Variants in PAK3 observed in about 807,000 individuals in gnomAD.
The protein encoded by PAK3 is p21 (RAC1) activated kinase 3.
PAK3 carries 4 observed loss-of-function variants against 41.0 expected under a neutral mutation model. The ratio of observed to expected loss-of-function variants is 0.10; its 90% CI spans 0.05 to 0.22. PAK3 has a LOEUF of 0.22. Among genes scored for constraint, PAK3 ranks in the 10% least tolerant of loss-of-function variants. PAK3 has a pLI of 1.00. For synonymous variants in PAK3, 146 were observed against 139.6 expected, an observed-to-expected ratio of 1.05 and a Z score of -0.32; for missense variants, 205 against 409.9, an observed-to-expected ratio of 0.50 and a Z score of 4.32.
At chrX:111,061,561 T>C (rs191010057) in intron 1 of PAK3, among the ~76,000 whole-genome samples, 215 of 112,043 alleles carry the variant, frequency 1.9e-3, no homozygotes, top group African/African-American at 6.7e-3. Flanking sequence ...TCTTATAAGA[T>C]TACTTTTGTG....
At chrX:111,118,788 G>A (rs2093515297) in intron 4 of PAK3, among the ~76,000 whole-genome samples, 1 of 111,738 alleles carries the variant, frequency 8.9e-6, no homozygotes, top group Non-Finnish European at 1.9e-5. Context: ...AAAATAAATA[G>A]TTATGTCTAT....
chrX:111,027,300 A>ATGCAAATGC (rs2092284834), intron 1 of PAK3, among the ~76,000 whole-genome samples: 1 of 112,161 alleles, frequency 8.9e-6, no homozygotes, highest in African/African-American at 3.2e-5. Flanking sequence ...ATGCAACAAA[A>ATGCAAATGC]ACAAAGATAA....
At chrX:111,008,041 G>T (rs1379906441) in intron 1 of PAK3, among the ~76,000 whole-genome samples, 1 of 112,126 alleles carries the variant, frequency 8.9e-6, no homozygotes, top group Non-Finnish European at 1.9e-5. Flanking sequence ...ATAGAGTTGT[G>T]AGTATTAAAT....
At chrX:111,129,077 G>A (rs2093685275) in intron 5 of PAK3, among the ~76,000 whole-genome samples, 1 of 111,456 alleles carries the variant, frequency 9.0e-6, no homozygotes, top group African/African-American at 3.3e-5. Flanking sequence ...AATCCTTGCT[G>A]TACAACAATT....
chrX:111,052,561 G>T (rs1035886849), intron 1 of PAK3, among the ~76,000 whole-genome samples: 1 of 111,951 alleles, frequency 8.9e-6, no homozygotes, highest in African/African-American at 3.2e-5. Context: ...GGTGGGGGTG[G>T]GTACAATTAC....
In PAK3 at chrX:111,223,834, A is replaced by G. The variant is rs920597035; in HGVS notation, c.*3387A>G. ...TTCTATAATATCACTTTTAAATAACATAAACAGGGATTACAACTATGTAAA... is the reference window on the plus strand; with the variant it reads ...TTCTATAATATCACTTTTAAATAACGTAAACAGGGATTACAACTATGTAAA... On this transcript the variant is annotated 3_prime_UTR_variant, in exon 18 of 18. Transcript: ENST00000372007. 4.5e-5 allele frequency: 5 copies of G among 112,272 alleles called. No homozygotes were observed. Among genetic ancestry groups the G allele is most frequent in the Non-Finnish European group, 7.5e-5 (4 of 53,321 alleles). 9.3% of individuals were successfully genotyped at this position (112,272 alleles called of 1,213,427 possible). A position where few individuals can be genotyped will look rare whatever the true frequency, so the allele number is the denominator to read the frequency against.
In PAK3 at chrX:111,221,790, T is replaced by C. The variant is rs918929941; in HGVS notation, c.*1343T>C. ...ATATGGTGTGTTCATGCTTAGTTCT[T>C]TGGGCTTTTGAATATCAAAAGCATA... On this transcript the variant is annotated 3_prime_UTR_variant, in exon 18 of 18. Coordinates refer to ENST00000372007, the MANE Select transcript of PAK3 (RefSeq NM_002578.5). 9.0e-6 allele frequency: 1 copy of C among 111,645 alleles called. No individual in the cohort carries two copies. Among genetic ancestry groups the C allele is most frequent in the South Asian group, 3.8e-4 (1 of 2,665 alleles). 9.2% of individuals were successfully genotyped at this position (111,645 alleles called of 1,213,427 possible).
At chrX:111,084,764 AT>A (rs1401704959) in intron 1 of PAK3, among the ~76,000 whole-genome samples, 1 of 111,879 alleles carries the variant, frequency 8.9e-6, no homozygotes, top group African/African-American at 3.3e-5. Flanking sequence ...TCTATGATAC[AT>A]TTTTCTTTCT....
chrX:110,945,220 G>GGT (rs764504662), intron 1 of PAK3, among the ~76,000 whole-genome samples: 3,833 of 107,880 alleles, frequency 0.036, 131 homozygotes, highest in African/African-American at 0.094. Context: ...GAGTTGGAGT[G>GGT]GTGTGTGTGT....
intron 3 of PAK3, among the ~76,000 whole-genome samples, chrX:111,101,303 A>T (rs1034429345): frequency 9.0e-6 from 1 of 111,393 alleles, no homozygotes; most frequent in African/African-American, 3.3e-5. Context: ...TCAACACAAC[A>T]CACCCCCAGG....
chrX:111,216,503 A>G lies in PAK3; in HGVS notation c.1490A>G (p.Asn497Ser). The G allele has an allele frequency of 8.3e-7, 1 of 1,199,153 alleles. No homozygotes were observed. Among genetic ancestry groups the G allele is most frequent in the Non-Finnish European group, 1.1e-6 (1 of 884,024 alleles). ...RLSAVFRDFLNRCLEMDVDRR... is the reference protein window; with the variant it reads ...RLSAVFRDFLSRCLEMDVDRR... ...TCAGCTGTATTCCGTGACTTTTTAA[A>G]TCGCTGTCTTGAGATGGATGTGGAT... Residue 497 changes from asparagine (N) to serine (S), a missense_variant, in exon 17 of 18, where the codon AAT becomes AGT. This residue lies in a region of PAK3 where 40 missense variants were observed against 54.4 expected (regional missense o/e 0.74). Coordinates refer to ENST00000372007, the MANE Select transcript of PAK3 (RefSeq NM_002578.5).
Position 111,116,108 on chromosome X carries a change from C to T in PAK3, c.-27-6969C>T, listed in dbSNP as rs370593855. On this transcript the variant is annotated intron_variant, in intron 4 of 17. Transcript: ENST00000372007. Reference sequence around the variant, plus strand: ...AATCGAGACCCCCAGAGACTCAAGACATTGGTTTGCCATGTCCTGCTTGCT... The same window carrying T: ...AATCGAGACCCCCAGAGACTCAAGATATTGGTTTGCCATGTCCTGCTTGCT... 1.6e-3 allele frequency among the ~76,000 whole-genome samples: 177 copies of T among 110,877 alleles called. 2 individuals are homozygous for T. The highest frequency in any genetic ancestry group is 5.6e-3 in the African/African-American group (172 of 30,613).
At chrX:110,976,319 C>G (rs1024070731) in intron 1 of PAK3, among the ~76,000 whole-genome samples, 1 of 112,215 alleles carries the variant, frequency 8.9e-6, no homozygotes, top group African/African-American at 3.2e-5. Context: ...AGACACTTCT[C>G]TAAAGAAGAC....
At chrX:111,072,452 CA>C (rs776454864) in intron 1 of PAK3, among the ~76,000 whole-genome samples, 8 of 112,615 alleles carry the variant, frequency 7.1e-5, no homozygotes, top group Admixed American at 4.7e-4. Flanking sequence ...GTTTTAGCAA[CA>C]AACTTATGAA....
chrX:111,076,932 C>G (rs976838693), intron 1 of PAK3, among the ~76,000 whole-genome samples: 6 of 110,783 alleles, frequency 5.4e-5, no homozygotes, highest in Non-Finnish European at 9.5e-5. Flanking sequence ...ATCCCAGAAA[C>G]TCCACCAAAA....
intron 10 of PAK3, among the ~76,000 whole-genome samples, chrX:111,167,944 A>C (rs1463308766): frequency 9.0e-6 from 1 of 111,323 alleles, no homozygotes. Context: ...TGTGTAATAC[A>C]GGAAATTTGT....
chrX:111,051,368 C>T (rs989903680), intron 1 of PAK3, among the ~76,000 whole-genome samples: 1 of 111,784 alleles, frequency 8.9e-6, no homozygotes, highest in East Asian at 2.8e-4. Context: ...GCTTGTCTAG[C>T]GGAAGCCTTT....
rs181977041 is a variant in PAK3, at chrX:111,162,456, A to G, written c.469-459A>G. 6.3e-5 allele frequency among the ~76,000 whole-genome samples: 7 copies of G among 111,315 alleles called. No homozygotes were observed. In the East Asian group the frequency reaches 2.0e-3, roughly 32 times the overall value. On this transcript the variant is annotated intron_variant, in intron 8 of 17. Coordinates refer to ENST00000372007, the MANE Select transcript of PAK3 (RefSeq NM_002578.5). ...GTTCTTAGTGAGTATTTACAGAGCT[A>G]TATTAATACCATATGTATATGCATG...
At chrX:111,017,609 T>C (rs2092111489) in intron 1 of PAK3, among the ~76,000 whole-genome samples, 1 of 111,762 alleles carries the variant, frequency 8.9e-6, no homozygotes, top group South Asian at 3.7e-4. Flanking sequence ...CAAAATAATT[T>C]AAAGGAAGAA....
Sources: gnomAD v4.1 joint callset for allele counts (sites outside exome capture counted in the v4.1 genomes callset) on GRCh38, gnomAD v4.1.1 for gene constraint, gnomAD v4.1.1 regional missense constraint, MANE v1.5 for transcripts, NCBI Gene and HGNC (gene_info 2026-07-23, HGNC 2026-07-21) for gene names.